PDXDC1: variants seen among roughly 807,000 people sequenced by gnomAD.
PDXDC1 encodes the protein pyridoxal dependent decarboxylase domain containing 1.
PDXDC1 carries 42 observed loss-of-function variants against 100.1 expected under a neutral mutation model. That is an observed-to-expected ratio of 0.42 (90% confidence interval 0.33 to 0.54). PDXDC1 has a LOEUF of 0.54. PDXDC1 is among the 20% of genes least tolerant of loss of function. The pLI is 0.10. For synonymous variants in PDXDC1, 260 were observed against 371.7 expected (o/e 0.70, Z 3.46); for missense variants, 636 against 979.2 (o/e 0.65, Z 4.68).
chr16:15,128,366 T>G, intron 16 of PDXDC1: 1 of 1,604,558 alleles, frequency 6.2e-7, no homozygotes, highest in Non-Finnish European at 8.5e-7. Context: ...CCATACAGCA[T>G]GATGCCCACG....
intron 17 of PDXDC1, 136 bp downstream of exon 17, chr16:15,032,042 T>G: frequency 1.3e-6 from 1 of 774,308 alleles, no homozygotes; most frequent in African/African-American, 1.7e-5. Flanking sequence ...CAACTCGGTT[T>G]TCTGGGCATT....
At chr16:14,989,070 G>A (rs1198579988) in intron 1 of PDXDC1, 26 of 1,614,122 alleles carry the variant, frequency 1.6e-5, no homozygotes, top group Middle Eastern at 1.6e-4. Flanking sequence ...GTAATAGAGC[G>A]TCAGGTTCAC....
chr16:15,037,211 A>G lies in PDXDC1; in HGVS notation c.*936A>G, dbSNP rs1219955581. 2 of 152,234 alleles carry G rather than the reference A, an allele frequency of 1.3e-5. No individual in the cohort carries two copies. The highest frequency in any genetic ancestry group is 2.9e-5 in the Non-Finnish European group (2 of 68,046). The allele number at this position is 152,234 out of a possible 1,614,324, so 9.4% of individuals were successfully genotyped here. On this transcript the variant is annotated 3_prime_UTR_variant, in exon 23 of 23. Transcript: ENST00000396410. The stretch of plus-strand genomic sequence containing the variant: ...GCCAGCAGAGCACTCTCTCACGCTG[A>G]TCCAGCCGGGCACCCTGCTTAAGTC...
At chr16:15,030,702 G>GC (rs2042999350) in intron 16 of PDXDC1, among the ~76,000 whole-genome samples, 1 of 150,992 alleles carries the variant, frequency 6.6e-6, no homozygotes, top group Admixed American at 6.6e-5. Context: ...TCCCACCTCA[G>GC]CCCCCGAGGA....
At chr16:15,143,200 G>A (rs1364964995), downstream of PDXDC1, among the ~76,000 whole-genome samples, 3 of 152,240 alleles carry the variant, frequency 2.0e-5, no homozygotes, top group Admixed American at 6.5e-5. Context: ...GGGACCCAGC[G>A]GGCTCCTTAG....
downstream of PDXDC1, chr16:15,038,797 CT>C (rs1278396212): frequency 1.6e-6 from 1 of 623,434 alleles, no homozygotes; most frequent in East Asian, 2.8e-5. Flanking sequence ...TCTGCCTAAG[CT>C]TCTTAAAACC....
intron 1 of PDXDC1, among the ~76,000 whole-genome samples, chr16:14,982,308 A>G (rs1363198596): frequency 2.6e-5 from 4 of 152,414 alleles, no homozygotes; most frequent in African/African-American, 9.6e-5. Flanking sequence ...CTTTCAAATG[A>G]CAATATCCAG....
intron 16 of PDXDC1, among the ~76,000 whole-genome samples, chr16:15,087,826 T>C (rs993788948): frequency 1.3e-5 from 2 of 152,126 alleles, no homozygotes. Context: ...TTTTTAAAAG[T>C]AAATCAGGCT....
chr16:15,147,576 G>C, the PDXDC1 span, among the ~76,000 whole-genome samples: 3 of 152,150 alleles, frequency 2.0e-5, no homozygotes, highest in Non-Finnish European at 4.4e-5. Flanking sequence ...TCCCAGGCTG[G>C]AGTGCAATGG....
At chr16:15,087,769 T>G (rs1228340112) in intron 16 of PDXDC1, among the ~76,000 whole-genome samples, 1 of 152,182 alleles carries the variant, frequency 6.6e-6, no homozygotes, top group Non-Finnish European at 1.5e-5. Context: ...TCTTTTCCAC[T>G]AAAAAGACTG....
chr16:14,976,721 G>A (rs1966853900), intron 1 of PDXDC1: 1 of 152,418 alleles, frequency 6.6e-6, no homozygotes, highest in South Asian at 2.1e-4. Context: ...GGTACCTAGT[G>A]GGTAGAGGCC....
intron 16 of PDXDC1, among the ~76,000 whole-genome samples, chr16:15,072,029 G>A (rs2045254265): frequency 6.6e-6 from 1 of 152,096 alleles, no homozygotes; most frequent in Non-Finnish European, 1.5e-5. Flanking sequence ...GCTGGTATTT[G>A]AGTTAATTAT....
At chr16:14,978,280 C>G (rs1967154036) in intron 1 of PDXDC1, among the ~76,000 whole-genome samples, 1 of 152,300 alleles carries the variant, frequency 6.6e-6, no homozygotes, top group Non-Finnish European at 1.5e-5. Flanking sequence ...GTAGCAGAGT[C>G]TCACAGTGTG....
intron 16 of PDXDC1, among the ~76,000 whole-genome samples, chr16:15,078,047 C>G (rs1046052722): frequency 6.6e-6 from 1 of 152,170 alleles, no homozygotes; most frequent in African/African-American, 2.4e-5. Context: ...TATCACCATT[C>G]AAATATCTTA....
At chr16:15,133,827 G>A in intron 16 of PDXDC1, 2 of 1,582,822 alleles carry the variant, frequency 1.3e-6, no homozygotes, top group Non-Finnish European at 1.7e-6. Context: ...GGTGGTGAGG[G>A]CGTGCACAGC....
downstream of PDXDC1, among the ~76,000 whole-genome samples, chr16:15,140,991 G>A (rs543308016): frequency 3.3e-5 from 5 of 152,022 alleles, no homozygotes; most frequent in East Asian, 1.9e-4. Flanking sequence ...ATGACCACCC[G>A]GCAGCCAGGC....
At chr16:15,066,420 C>T (rs896104070) in intron 16 of PDXDC1, among the ~76,000 whole-genome samples, 4 of 152,016 alleles carry the variant, frequency 2.6e-5, no homozygotes, top group African/African-American at 9.7e-5. Flanking sequence ...TTCACTTGAG[C>T]TCAGGAGTTT....
At chr16:15,093,641 C>G (rs2046230959) in intron 16 of PDXDC1, among the ~76,000 whole-genome samples, 2 of 152,150 alleles carry the variant, frequency 1.3e-5, no homozygotes, top group Admixed American at 1.3e-4. Flanking sequence ...ACATAGCATC[C>G]TAATGACTCT....
chr16:15,032,227 G>C, intron 17 of PDXDC1: 1 of 311,332 alleles, frequency 3.2e-6, no homozygotes, highest in Non-Finnish European at 6.0e-6. Flanking sequence ...TTGCAAATCA[G>C]TAAGAAAAAG....
Sources: gnomAD v4.1 joint callset for allele counts (sites outside exome capture counted in the v4.1 genomes callset) on GRCh38, gnomAD v4.1.1 for gene constraint, MANE v1.5 for transcripts, NCBI Gene and HGNC (gene_info 2026-07-23, HGNC 2026-07-21) for gene names.